The following CPNE2 variants were observed in gnomAD, a reference collection of about 807,000 sequenced individuals.
CPNE2 encodes the protein copine 2, also known as copine-2.
In CPNE2, 42 loss-of-function variants were observed where a neutral mutation model predicts 69.7. The observed-to-expected ratio is 0.60, with a 90% CI of 0.47 to 0.78. The LOEUF (loss-of-function observed/expected upper bound fraction) is 0.78, where lower values mean the gene tolerates loss of function less well. Among genes scored for constraint, CPNE2 ranks in the 30% least tolerant of loss-of-function variants. The probability of loss-of-function intolerance (pLI) is 0.00; values close to 1 mark genes in which losing one functional copy is unlikely to be tolerated. For synonymous variants in CPNE2, 294 were observed against 289.8 expected, an observed-to-expected ratio of 1.01 and a Z score of -0.15; for missense variants, 587 against 732.0, an observed-to-expected ratio of 0.80 and a Z score of 2.29.
At chr16:57,105,892 G>C (rs1400122965) in intron 1 of CPNE2, among the ~76,000 whole-genome samples, 1 of 152,116 alleles carries the variant, frequency 6.6e-6, no homozygotes, top group Non-Finnish European at 1.5e-5. Flanking sequence ...TATGGGGTGG[G>C]GGCTGCCCCA....
Position 57,130,861 on chromosome 16 carries a change from G to A in CPNE2, c.1116+2958G>A, listed in dbSNP as rs1251096105. ...AGGGTTAGGTCAAGCAGGTCTAAAG[G>A]CTGAGGAGGAGCCAGGAGAGGCGTG... On this transcript the variant is annotated intron_variant, in intron 12 of 15. Transcript: ENST00000290776. The surrounding 1 kb of genome is among the most constrained non-coding windows in gnomAD (Gnocchi z 4.1). 1.3e-5 allele frequency among the ~76,000 whole-genome samples: 2 copies of A among 152,036 alleles called. No individual in the cohort carries two copies. Among genetic ancestry groups the A allele is most frequent in the African/African-American group, 4.8e-5 (2 of 41,384 alleles).
chr16:57,131,130 T>C (rs2145270623), intron 12 of CPNE2, among the ~76,000 whole-genome samples: 1 of 152,322 alleles, frequency 6.6e-6, no homozygotes, highest in African/African-American at 2.4e-5. Flanking sequence ...CCCAAGGCCA[T>C]GTTCACCAAC....
rs2069836583 is a variant in CPNE2 at position 57,131,247 on chromosome 16, C to T, written c.1116+3344C>T. Among the ~76,000 whole-genome samples, 4 of 152,348 alleles carry T rather than the reference C, an allele frequency of 2.6e-5. No individual in the cohort carries two copies. In the South Asian group the frequency reaches 6.2e-4, roughly 24 times the overall value. On this transcript the variant is annotated intron_variant, in intron 12 of 15. Coordinates refer to ENST00000290776, the MANE Select transcript of CPNE2 (RefSeq NM_152727.6). The stretch of plus-strand genomic sequence containing the variant: ...CCTAAGCCTGCACATGGGTCTCGCT[C>T]GGCCAGTGCCCCTTCTTGTCTGCCC...
intron 13 of CPNE2, among the ~76,000 whole-genome samples, chr16:57,135,460 G>T (rs1180682049): frequency 2.0e-5 from 3 of 152,170 alleles, no homozygotes; most frequent in Non-Finnish European, 4.4e-5. Flanking sequence ...CTTGAGCCTA[G>T]GAGTTCAAGA....
In CPNE2 at chr16:57,118,332, A is replaced by AT. The variant is rs61283121; in HGVS notation, c.507+779dup. ...AGGCGCCTGCCACCACGCCCAGCTA[A>AT]TTTTTTTTTTTTTTGTACTTTTAGT... On this transcript the variant is annotated intron_variant, in intron 5 of 15. Coordinates refer to ENST00000290776, the MANE Select transcript of CPNE2 (RefSeq NM_152727.6). Among the ~76,000 whole-genome samples the AT allele has an allele frequency of 1.5e-3, 203 of 136,602 alleles. 1 individual carries two copies. The highest frequency in any genetic ancestry group is 7.2e-3 in the Middle Eastern group (2 of 276). The allele number at this position is 136,602 out of a possible 152,430, so 89.6% of individuals were successfully genotyped here.
chr16:57,121,210 C>T lies in CPNE2; in HGVS notation c.780+19C>T, dbSNP rs926694454. 5.6e-6 allele frequency: 9 copies of T among 1,606,456 alleles called. No homozygotes were observed. Among genetic ancestry groups the T allele is most frequent in the African/African-American group, 1.3e-5 (1 of 74,788 alleles). On this transcript the variant is annotated intron_variant, in intron 8 of 15. Transcript: ENST00000290776. Reference sequence around the variant, plus strand: ...CGTCCCGGTGAGATGGGCACGTGTACTGTAACCCCAAGACCTCAGCAGGGC... The same window carrying T: ...CGTCCCGGTGAGATGGGCACGTGTATTGTAACCCCAAGACCTCAGCAGGGC...
intron 13 of CPNE2, 122 bp from the exon 14 acceptor site, chr16:57,137,027 C>G: frequency 1.4e-6 from 2 of 1,406,124 alleles, no homozygotes; most frequent in Non-Finnish European, 1.9e-6. Flanking sequence ...CTCACAAGGC[C>G]TATGCTAGCC....
chr16:57,118,580 G>A (rs144821506), intron 5 of CPNE2, among the ~76,000 whole-genome samples: 1,593 of 152,110 alleles, frequency 0.01, 9 homozygotes, highest in Middle Eastern at 0.027. Flanking sequence ...TACTTGGGAA[G>A]CTGAAGCAGG....
Position 57,147,638 on chromosome 16 carries a change from A to C in CPNE2, c.1627A>C (p.Thr543Pro). 1 of 1,601,860 alleles carries C rather than the reference A, an allele frequency of 6.2e-7. No individual in the cohort carries two copies. Among genetic ancestry groups the C allele is most frequent in the South Asian group, 1.1e-5 (1 of 89,562 alleles). Residue 543 changes from threonine to proline, a missense_variant, in exon 16 of 16, where the codon ACC (threonine) becomes CCC (proline). Physicochemically the swap from Thr to Pro is conservative, Grantham distance 38. Around this residue, in one of 5 missense-constraint regions of CPNE2, gnomAD observed 185 missense variants for 252.3 expected, o/e 0.73. Transcript: ENST00000290776. ...QYFKHKNLPPTNSEPA is the reference protein window; with the variant it reads ...QYFKHKNLPPPNSEPA The stretch of plus-strand genomic sequence containing the variant: ...TTTCAAGCATAAAAACCTGCCCCCC[A>C]CCAACTCGGAGCCCGCCTGAGCTCC...
intron 1 of CPNE2, among the ~76,000 whole-genome samples, chr16:57,099,994 T>C (rs549309313): frequency 7.8e-4 from 119 of 152,206 alleles, no homozygotes; most frequent in Non-Finnish European, 1.4e-3. Flanking sequence ...GGGATGGTCT[T>C]GATCTCTTGA....
intron 1 of CPNE2, among the ~76,000 whole-genome samples, chr16:57,109,475 C>CAAA (rs1170223475): frequency 1.1e-5 from 1 of 94,596 alleles, no homozygotes; most frequent in Non-Finnish European, 2.3e-5. Flanking sequence ...GACTCTGCCT[C>CAAA]AAAAAAAAAA....
Position 57,120,774 on chromosome 16 carries a change from G to A in CPNE2, c.682-319G>A, listed in dbSNP as rs189139415. Among the ~76,000 whole-genome samples, 813 of 152,268 alleles carry A rather than the reference G, an allele frequency of 5.3e-3. 5 individuals carry two copies. The highest frequency in any genetic ancestry group is 9.0e-3 in the Non-Finnish European group (610 of 68,016). On this transcript the variant is annotated intron_variant, in intron 7 of 15. Transcript: ENST00000290776. ...CATCTCAGAAAAAAATATGTCTAGA[G>A]AGGGCCCCAGGCCATAAGCTGGGTG...
chr16:57,104,372 C>T (rs997317204), intron 1 of CPNE2, among the ~76,000 whole-genome samples: 1 of 152,342 alleles, frequency 6.6e-6, no homozygotes, highest in East Asian at 1.9e-4. Flanking sequence ...CACCATCCTT[C>T]CCTGGCTTAA....
intron 5 of CPNE2, among the ~76,000 whole-genome samples, chr16:57,118,573 T>C (rs747989346): frequency 2.6e-5 from 4 of 151,974 alleles, no homozygotes; most frequent in Non-Finnish European, 5.9e-5. Flanking sequence ...TCCCAGCTAC[T>C]TGGGAAGCTG....
At chr16:57,093,518 G>T (rs778343473) in intron 1 of CPNE2, among the ~76,000 whole-genome samples, 5 of 151,920 alleles carry the variant, frequency 3.3e-5, no homozygotes, top group Admixed American at 6.6e-5. Flanking sequence ...CCATCCCCCA[G>T]CCTCGCTCCA....
At chr16:57,113,198 G>A (rs2069692784) in intron 2 of CPNE2, 90 bp from the exon 3 acceptor site, 1 of 1,252,362 alleles carries the variant, frequency 8.0e-7, no homozygotes, top group Non-Finnish European at 1.1e-6. Context: ...AGTAGGCATT[G>A]TACAAGTTAG....
intron 1 of CPNE2, among the ~76,000 whole-genome samples, chr16:57,100,062 C>T (rs556227144): frequency 2.2e-4 from 34 of 152,204 alleles, no homozygotes; most frequent in African/African-American, 8.2e-4. Context: ...TGTGAGCCAC[C>T]ATGCCCTGCC....
intron 1 of CPNE2, among the ~76,000 whole-genome samples, chr16:57,094,511 C>A (rs1012952504): frequency 6.6e-6 from 1 of 152,172 alleles, no homozygotes; most frequent in Admixed American, 6.5e-5. Context: ...GTACTGGACC[C>A]CATCTGGTCC....
chr16:57,138,938 T>C (rs981777034), intron 14 of CPNE2, among the ~76,000 whole-genome samples: 8 of 152,172 alleles, frequency 5.3e-5, no homozygotes, highest in African/African-American at 1.7e-4. Context: ...GAGGTGGCAG[T>C]TGACTTCCGG....
Sources: gnomAD v4.1 joint callset for allele counts (sites outside exome capture counted in the v4.1 genomes callset) on GRCh38, gnomAD v4.1.1 for gene constraint, gnomAD v4.1.1 regional missense constraint, Gnocchi (gnomAD v3.1) non-coding constraint, MANE v1.5 for transcripts, NCBI Gene and HGNC (gene_info 2026-07-23, HGNC 2026-07-21) for gene names.